The following KCTD1 variants were observed in gnomAD, a reference collection of about 807,000 sequenced individuals.
The protein encoded by KCTD1 is BTB/POZ domain-containing protein KCTD1.
Under a neutral mutation model 66.0 loss-of-function variants are expected in KCTD1, and 24 were observed. That is an observed-to-expected ratio of 0.36 (90% confidence interval 0.26 to 0.51). The LOEUF is 0.51. KCTD1 is among the 20% of genes least tolerant of loss of function. The pLI, the probability that KCTD1 is intolerant of heterozygous loss-of-function variation, is 0.95. For missense variants in KCTD1, 943 were observed against 1,205.2 expected, an observed-to-expected ratio of 0.78 and a Z score of 3.22; for synonymous variants, 511 against 517.2, an observed-to-expected ratio of 0.99 and a Z score of 0.16.
At chr18:26,594,058 A>G (rs760675202) in intron 1 of KCTD1, among the ~76,000 whole-genome samples, 35 of 152,242 alleles carry the variant, frequency 2.3e-4, no homozygotes, top group Admixed American at 4.6e-4. Flanking sequence ...AAGAAATCAC[A>G]TTAGCATAAC....
intron 1 of KCTD1, among the ~76,000 whole-genome samples, chr18:26,504,522 C>T (rs760551323): frequency 2.6e-5 from 4 of 152,060 alleles, no homozygotes; most frequent in Non-Finnish European, 4.4e-5. Flanking sequence ...TGAGCTACCA[C>T]ATCTGGCCTA....
chr18:26,565,775 T>G (rs1422110832), intron 1 of KCTD1: 2 of 152,046 alleles, frequency 1.3e-5, no homozygotes, highest in Non-Finnish European at 2.9e-5. Context: ...GTACTAAGGA[T>G]TAGCTCAGCA....
At chr18:26,576,546 C>T (rs918405509) in intron 1 of KCTD1, among the ~76,000 whole-genome samples, 7 of 152,152 alleles carry the variant, frequency 4.6e-5, no homozygotes, top group African/African-American at 1.4e-4. Context: ...TCCTAGCAGC[C>T]ATTTCGAACG....
chr18:26,520,805 T>G (rs963447977), intron 1 of KCTD1, among the ~76,000 whole-genome samples: 3 of 152,036 alleles, frequency 2.0e-5, no homozygotes, highest in Admixed American at 2.0e-4. Flanking sequence ...GTAAGAAGAG[T>G]CCTCACTTTG....
chr18:26,620,375 A>C (rs55772186), intron 1 of KCTD1, among the ~76,000 whole-genome samples: 31 of 125,366 alleles, frequency 2.5e-4, no homozygotes, highest in East Asian at 1.1e-3. Context: ...AAAAAAAAAA[A>C]AAAAAAAAAA....
intron 1 of KCTD1, among the ~76,000 whole-genome samples, chr18:26,605,378 T>C (rs966850852): frequency 6.6e-6 from 1 of 152,214 alleles, no homozygotes; most frequent in African/African-American, 2.4e-5. Context: ...CATTCCTCCC[T>C]TACACAAGTC....
upstream of KCTD1, among the ~76,000 whole-genome samples, chr18:26,552,483 A>T (rs1871555347): frequency 6.6e-6 from 1 of 152,224 alleles, no homozygotes; most frequent in South Asian, 2.1e-4. Flanking sequence ...TTAGCAGGGA[A>T]GTTTTTGTGA....
At chr18:26,559,428 GC>G (rs1985792541) in intron 1 of KCTD1, among the ~76,000 whole-genome samples, 1 of 152,224 alleles carries the variant, frequency 6.6e-6, no homozygotes, top group Admixed American at 6.5e-5. Context: ...GAAACAGAGT[GC>G]TGGGTTCACC....
chr18:26,643,121 G>C (rs1393386601), upstream of KCTD1, among the ~76,000 whole-genome samples: 1 of 152,186 alleles, frequency 6.6e-6, no homozygotes, highest in Admixed American at 6.5e-5. Context: ...CAAGGAGCCA[G>C]AGAAGCAGAT....
At chr18:26,632,559 T>A (rs1987643837), upstream of KCTD1, among the ~76,000 whole-genome samples, 1 of 152,156 alleles carries the variant, frequency 6.6e-6, no homozygotes, top group African/African-American at 2.4e-5. Context: ...GCTGATGATA[T>A]GAAAATCTAA....
intron 1 of KCTD1, among the ~76,000 whole-genome samples, chr18:26,514,917 G>A (rs183419414): frequency 2.6e-5 from 4 of 152,304 alleles, no homozygotes; most frequent in Admixed American, 1.3e-4. Flanking sequence ...GAGCAGATGG[G>A]TGAGAAGATA....
chr18:26,462,954 C>T (rs1980517238), intron 3 of KCTD1, among the ~76,000 whole-genome samples: 1 of 152,122 alleles, frequency 6.6e-6, no homozygotes, highest in Admixed American at 6.5e-5. Flanking sequence ...GATGATGGGT[C>T]TCTTGTTTCC....
intron 2 of KCTD1, among the ~76,000 whole-genome samples, chr18:26,495,593 C>T (rs181699453): frequency 6.6e-6 from 1 of 152,162 alleles, no homozygotes; most frequent in East Asian, 1.9e-4. Flanking sequence ...TGCTTAGTAA[C>T]TCTACTGCTA....
At chr18:26,575,008 T>A (rs936442373) in intron 1 of KCTD1, among the ~76,000 whole-genome samples, 1 of 152,192 alleles carries the variant, frequency 6.6e-6, no homozygotes, top group African/African-American at 2.4e-5. Context: ...TGTGAAATTA[T>A]CCTGAGCAAT....
upstream of KCTD1, among the ~76,000 whole-genome samples, chr18:26,642,952 G>A (rs1987860214): frequency 6.6e-6 from 1 of 152,158 alleles, no homozygotes; most frequent in Non-Finnish European, 1.5e-5. Context: ...CGTGAGGGGA[G>A]GCAAAGGGAA....
chr18:26,601,368 C>T (rs904467066), intron 1 of KCTD1, among the ~76,000 whole-genome samples: 1 of 134,010 alleles, frequency 7.5e-6, no homozygotes, highest in Admixed American at 7.5e-5. Flanking sequence ...TTCAATTGAC[C>T]ATAAATGTAA....
chr18:26,590,947 G>T (rs993672817), intron 1 of KCTD1, among the ~76,000 whole-genome samples: 5 of 152,078 alleles, frequency 3.3e-5, no homozygotes, highest in Admixed American at 6.5e-5. Flanking sequence ...CTGCTTGTTT[G>T]ACACACCAGG....
upstream of KCTD1, chr18:26,548,917 G>A (rs1025798529): frequency 3.0e-6 from 3 of 989,184 alleles, no homozygotes; most frequent in Non-Finnish European, 2.4e-6. Flanking sequence ...GCGCGGGCCC[G>A]GGCGGGAGAG....
intron 1 of KCTD1, among the ~76,000 whole-genome samples, chr18:26,586,038 A>AAAAAC (rs1365116117): frequency 6.6e-6 from 1 of 152,196 alleles, no homozygotes; most frequent in Non-Finnish European, 1.5e-5. Flanking sequence ...CTGTCTCTTA[A>AAAAAC]AAAACAAAAC....
Sources: gnomAD v4.1 joint callset for allele counts (sites outside exome capture counted in the v4.1 genomes callset) on GRCh38, gnomAD v4.1.1 for gene constraint, MANE v1.5 for transcripts, NCBI Gene and HGNC (gene_info 2026-07-23, HGNC 2026-07-21) for gene names.